The following SATB2 variants were observed in gnomAD, a reference collection of about 807,000 sequenced individuals.
The protein encoded by SATB2 is SATB homeobox 2.
Under a neutral mutation model 73.4 loss-of-function variants are expected in SATB2, and 1 was observed. The ratio of observed to expected loss-of-function variants is 0.01; its 90% confidence interval spans 0.00 to 0.06. SATB2 has a LOEUF of 0.06. Ranked by LOEUF, SATB2 falls within the 10% of genes least tolerant of loss-of-function variation. The pLI is 1.00. For synonymous variants in SATB2, 397 were observed against 367.0 expected, an observed-to-expected ratio of 1.08 and a Z score of -0.93; for missense variants, 459 against 945.8, an observed-to-expected ratio of 0.49 and a Z score of 6.75.
intron 3 of SATB2, among the ~76,000 whole-genome samples, chr2:199,384,741 T>C (rs1020259603): frequency 5.3e-5 from 8 of 152,210 alleles, no homozygotes; most frequent in African/African-American, 1.7e-4. Flanking sequence ...AAATTCTCCA[T>C]ACCTCAATCC....
intron 3 of SATB2, among the ~76,000 whole-genome samples, chr2:199,426,528 C>T (rs913787368): frequency 6.6e-6 from 1 of 152,014 alleles, no homozygotes; most frequent in African/African-American, 2.4e-5. Flanking sequence ...AACTCCTGAG[C>T]TCAGGTGCTC....
chr2:199,304,263 G>C (rs1475480258), intron 10 of SATB2, among the ~76,000 whole-genome samples: 2 of 152,084 alleles, frequency 1.3e-5, no homozygotes, highest in African/African-American at 4.8e-5. Flanking sequence ...ACAGGGCCTT[G>C]GGTTATAATA....
chr2:199,389,264 T>C (rs921793902), intron 3 of SATB2, among the ~76,000 whole-genome samples: 3 of 152,174 alleles, frequency 2.0e-5, no homozygotes, highest in African/African-American at 7.2e-5. Flanking sequence ...AGTGCCCCAG[T>C]ACAACTTGTT....
rs551232448 is a variant in SATB2, at chr2:199,443,836, G to A, written c.170-10322C>T. On this transcript the variant is annotated intron_variant, in intron 2 of 10. Transcript: ENST00000417098. ...AAAGGAGAAAGAGAAAAAAAAGCAA[G>A]AGGGAGAAAGAGCAAGAAAGTCAAA... 6.2e-4 allele frequency among the ~76,000 whole-genome samples: 94 copies of A among 152,300 alleles called. 1 individual carries two copies. The highest frequency in any genetic ancestry group is 1.1e-3 in the Non-Finnish European group (76 of 68,026).
At chr2:199,344,514 C>T (rs1375806354) in intron 7 of SATB2, among the ~76,000 whole-genome samples, 1 of 152,184 alleles carries the variant, frequency 6.6e-6, no homozygotes, top group Non-Finnish European at 1.5e-5. Context: ...TGTTAACAGA[C>T]TCTGTCAATA....
chr2:199,447,739 A>T (rs1462091257), intron 2 of SATB2, among the ~76,000 whole-genome samples: 2 of 36,980 alleles, frequency 5.4e-5, no homozygotes, highest in South Asian at 8.1e-4. Flanking sequence ...GAAGAATGAG[A>T]GCCAAATGGT....
chr2:199,437,907 T>C (rs980151836), intron 2 of SATB2, among the ~76,000 whole-genome samples: 1 of 152,180 alleles, frequency 6.6e-6, no homozygotes, highest in Non-Finnish European at 1.5e-5. Context: ...TGGCCTATTA[T>C]GCAAATGACA....
chr2:199,412,000 A>T (rs927922213), intron 3 of SATB2, among the ~76,000 whole-genome samples: 7 of 152,146 alleles, frequency 4.6e-5, no homozygotes, highest in Non-Finnish European at 8.8e-5. Flanking sequence ...TCAAGAAAAA[A>T]TATGGGGCAT....
At chr2:199,448,460 C>T (rs1309156165) in intron 2 of SATB2, among the ~76,000 whole-genome samples, 1 of 151,994 alleles carries the variant, frequency 6.6e-6, no homozygotes, top group Non-Finnish European at 1.5e-5. Context: ...ACTTGCTTTC[C>T]AGCCAAATGC....
In SATB2 at chr2:199,299,794, G is replaced by A. The variant is rs543130939; in HGVS notation, c.1740+8966C>T. Among the ~76,000 whole-genome samples, 20 of 152,188 alleles carry A rather than the reference G, an allele frequency of 1.3e-4. No individual in the cohort carries two copies. In the East Asian group the frequency reaches 3.1e-3, roughly 24 times the overall value. ...CTTGAAGCCTAACAGCAGGCTTATC[G>A]ATGAAATTTAATCATTTTTTTCCAA... On this transcript the variant is annotated intron_variant, in intron 10 of 10. Coordinates refer to ENST00000417098, the MANE Select transcript of SATB2 (RefSeq NM_001172509.2).
chr2:199,450,086 G>C (rs546294024), intron 2 of SATB2, among the ~76,000 whole-genome samples: 3 of 152,168 alleles, frequency 2.0e-5, no homozygotes, highest in Middle Eastern at 3.4e-3. Context: ...CTTGGGGAGT[G>C]GGGGAGACGG....
At chr2:199,386,201 G>C (rs111674556) in intron 3 of SATB2, among the ~76,000 whole-genome samples, 29 of 152,120 alleles carry the variant, frequency 1.9e-4, no homozygotes, top group African/African-American at 6.8e-4. Flanking sequence ...CTACCAGGTA[G>C]GCATCCCAAA....
At chr2:199,456,223 G>A (rs2105957694) in intron 1 of SATB2, 127 bp from the exon 2 acceptor site, 2 of 669,098 alleles carry the variant, frequency 3.0e-6, no homozygotes, top group East Asian at 2.7e-5. Context: ...CTCCCACGCT[G>A]CCCGAGGGGC....
intron 10 of SATB2, among the ~76,000 whole-genome samples, chr2:199,296,588 A>G (rs1687105735): frequency 6.6e-6 from 1 of 152,162 alleles, no homozygotes; most frequent in Non-Finnish European, 1.5e-5. Flanking sequence ...GCTACCTTGG[A>G]GGCTGAGGTA....
intron 10 of SATB2, among the ~76,000 whole-genome samples, chr2:199,281,142 G>A (rs1007432622): frequency 1.1e-4 from 16 of 152,040 alleles, no homozygotes; most frequent in African/African-American, 3.9e-4. Flanking sequence ...GCTGAGACAG[G>A]AGAATTGCTT....
chr2:199,400,004 T>C, intron 3 of SATB2, among the ~76,000 whole-genome samples: 1 of 152,212 alleles, frequency 6.6e-6, no homozygotes, highest in East Asian at 1.9e-4. Context: ...GGGATCCAAG[T>C]CTGCCTGACT....
At chr2:199,321,523 TATAC>T (rs1344015337) in intron 9 of SATB2, among the ~76,000 whole-genome samples, 1 of 150,166 alleles carries the variant, frequency 6.7e-6, no homozygotes, top group Non-Finnish European at 1.5e-5. Context: ...TATACACACA[TATAC>T]ATATATACAT....
At chr2:199,383,685 T>TA (rs758499740) in intron 3 of SATB2, among the ~76,000 whole-genome samples, 1 of 151,784 alleles carries the variant, frequency 6.6e-6, no homozygotes, top group Non-Finnish European at 1.5e-5. Flanking sequence ...GCAAGTAATA[T>TA]AAAAAAAAGG....
intron 9 of SATB2, among the ~76,000 whole-genome samples, chr2:199,310,916 G>A (rs1436867229): frequency 2.0e-5 from 3 of 152,162 alleles, no homozygotes; most frequent in Admixed American, 6.5e-5. Context: ...GGAATGTCTC[G>A]CACAACATTC....
Sources: allele counts gnomAD v4.1 joint callset (sites outside exome capture counted in the v4.1 genomes callset), GRCh38; gene constraint gnomAD v4.1.1; transcripts MANE v1.5; gene names NCBI Gene and HGNC (gene_info 2026-07-23, HGNC 2026-07-21).